The following CNTNAP2 variants were observed in gnomAD, a reference collection of about 807,000 sequenced individuals.
CNTNAP2 encodes contactin-associated protein-like 2.
In CNTNAP2, 98 loss-of-function variants were observed where a neutral mutation model predicts 155.2. The observed-to-expected ratio is 0.63, with a 90% CI of 0.54 to 0.75. CNTNAP2 has a LOEUF of 0.75. CNTNAP2 is among the 30% of genes least tolerant of loss of function. The pLI, the probability that CNTNAP2 is intolerant of heterozygous loss-of-function variation, is 0.00. For missense variants in CNTNAP2, 1,727 were observed against 1,688.1 expected (o/e 1.02, Z -0.40); for synonymous variants, 651 against 631.2 (o/e 1.03, Z -0.47).
chr7:146,564,001 G>A (rs914433698), intron 1 of CNTNAP2, among the ~76,000 whole-genome samples: 2 of 152,110 alleles, frequency 1.3e-5, no homozygotes, highest in East Asian at 3.8e-4. Flanking sequence ...CAGCATTAAT[G>A]TATAAGTCAA....
chr7:148,230,936 A>C (rs146767810), intron 20 of CNTNAP2, among the ~76,000 whole-genome samples: 3,060 of 152,318 alleles, frequency 0.02, 30 homozygotes, highest in African/African-American at 0.027. Flanking sequence ...CAGAAAAGCC[A>C]GCAAGTCCAG....
chr7:146,897,741 C>T (rs1330325845), intron 3 of CNTNAP2, among the ~76,000 whole-genome samples: 1 of 152,064 alleles, frequency 6.6e-6, no homozygotes, highest in Non-Finnish European at 1.5e-5. Context: ...TAGCCTACCA[C>T]CCACTCTGCA....
chr7:147,356,354 C>A (rs878869436), intron 9 of CNTNAP2, among the ~76,000 whole-genome samples: 2 of 151,990 alleles, frequency 1.3e-5, no homozygotes, highest in Non-Finnish European at 2.9e-5. Context: ...CTGGAAGCAT[C>A]CCCTTTGAAA....
At chr7:148,388,724 T>C (rs1799275377) in intron 22 of CNTNAP2, among the ~76,000 whole-genome samples, 1 of 152,180 alleles carries the variant, frequency 6.6e-6, no homozygotes, top group Non-Finnish European at 1.5e-5. Context: ...TGGTTGTCCT[T>C]TCTGTTTGTT....
At chr7:146,310,411 C>A (rs1254099161) in intron 1 of CNTNAP2, among the ~76,000 whole-genome samples, 1 of 151,954 alleles carries the variant, frequency 6.6e-6, no homozygotes, top group South Asian at 2.1e-4. Flanking sequence ...TTTTTAAAAG[C>A]CAAGGAGTAG....
At chr7:146,421,081 A>G (rs1796005207) in intron 1 of CNTNAP2, among the ~76,000 whole-genome samples, 1 of 152,094 alleles carries the variant, frequency 6.6e-6, no homozygotes, top group African/African-American at 2.4e-5. Context: ...GAAAAAAGGT[A>G]TGATGTCAAG....
At chr7:148,387,424 T>C (rs1055685274) in intron 22 of CNTNAP2, among the ~76,000 whole-genome samples, 1 of 152,168 alleles carries the variant, frequency 6.6e-6, no homozygotes, top group Non-Finnish European at 1.5e-5. Context: ...TAACGTGAGG[T>C]ACTTGAGTCT....
At chr7:146,512,864 C>A (rs1347958263) in intron 1 of CNTNAP2, among the ~76,000 whole-genome samples, 4 of 151,924 alleles carry the variant, frequency 2.6e-5, no homozygotes, top group Non-Finnish European at 5.9e-5. Flanking sequence ...TCTGGATGAT[C>A]TGTCCATTAC....
At chr7:147,044,660 A>G (rs937545500) in intron 4 of CNTNAP2, among the ~76,000 whole-genome samples, 1 of 152,176 alleles carries the variant, frequency 6.6e-6, no homozygotes, top group Non-Finnish European at 1.5e-5. Flanking sequence ...CATTATGCAT[A>G]TATCTAAGGA....
chr7:148,274,478 T>A (rs1375212486), intron 21 of CNTNAP2, among the ~76,000 whole-genome samples: 2 of 152,190 alleles, frequency 1.3e-5, no homozygotes, highest in South Asian at 2.1e-4. Context: ...GGTGTTTGGA[T>A]CATGGTGGTG....
At chr7:147,404,537 A>G (rs1391238570) in intron 10 of CNTNAP2, among the ~76,000 whole-genome samples, 1 of 152,166 alleles carries the variant, frequency 6.6e-6, no homozygotes, top group Non-Finnish European at 1.5e-5. Context: ...GCTATGCTCT[A>G]TCTTAGTTTC....
chr7:146,392,582 T>C (rs1351374325), intron 1 of CNTNAP2, among the ~76,000 whole-genome samples: 2 of 152,226 alleles, frequency 1.3e-5, no homozygotes, highest in Non-Finnish European at 1.5e-5. Flanking sequence ...TATGTGACAC[T>C]GGATAATACT....
chr7:147,245,930 T>C (rs1804051233), intron 8 of CNTNAP2, among the ~76,000 whole-genome samples: 1 of 150,880 alleles, frequency 6.6e-6, no homozygotes. Context: ...TATGCACACA[T>C]GTATATATTT....
chr7:146,238,212 G>T (rs895076834), intron 1 of CNTNAP2, among the ~76,000 whole-genome samples: 1 of 152,152 alleles, frequency 6.6e-6, no homozygotes, highest in Admixed American at 6.6e-5. Context: ...CTTAGTCAAG[G>T]ATTGAGAGTA....
intron 17 of CNTNAP2, among the ~76,000 whole-genome samples, chr7:148,164,583 T>A (rs963860043): frequency 6.8e-6 from 1 of 146,246 alleles, no homozygotes; most frequent in South Asian, 2.2e-4. Context: ...ACGACACCCA[T>A]CCTAACTCTG....
At chr7:147,722,252 G>T (rs909272581) in intron 13 of CNTNAP2, among the ~76,000 whole-genome samples, 1 of 152,136 alleles carries the variant, frequency 6.6e-6, no homozygotes, top group Non-Finnish European at 1.5e-5. Context: ...CAGTTTCTGA[G>T]ATCACAATTA....
In CNTNAP2 at chr7:146,490,889, ATTTTTTCTCAC is replaced by A. The variant is rs1797128704; in HGVS notation, c.98-283378_98-283368del. 3.3e-5 allele frequency among the ~76,000 whole-genome samples: 5 copies of A among 152,234 alleles called. No individual in the cohort carries two copies. The South Asian group carries it at 1.0e-3, about 32-fold the overall frequency. ...GTACTGATAAATGGCGAAGCAGATA[ATTTTTTCTCAC>A]TTTGTAATGGTGACTTTACTGTCTA... On this transcript the variant is annotated intron_variant, in intron 1 of 23. Transcript: ENST00000361727.
intron 1 of CNTNAP2, among the ~76,000 whole-genome samples, chr7:146,446,245 T>C (rs533679161): frequency 1.3e-5 from 2 of 152,234 alleles, no homozygotes; most frequent in Admixed American, 6.5e-5. Flanking sequence ...GAAGCAAATA[T>C]AGTGAAAACT....
intron 15 of CNTNAP2, among the ~76,000 whole-genome samples, chr7:148,033,425 A>G: frequency 6.7e-6 from 1 of 149,560 alleles, no homozygotes; most frequent in African/African-American, 2.5e-5. Context: ...TACATGTGCC[A>G]TGGTGGTTTG....
Sources: gnomAD v4.1 joint callset for allele counts (sites outside exome capture counted in the v4.1 genomes callset) on GRCh38, gnomAD v4.1.1 for gene constraint, MANE v1.5 for transcripts, NCBI Gene and HGNC (gene_info 2026-07-23, HGNC 2026-07-21) for gene names.